The following WNT10A variants were observed in gnomAD, a reference collection of about 807,000 sequenced individuals.
The protein encoded by WNT10A is protein Wnt-10a.
Under a neutral mutation model 36.1 loss-of-function variants are expected in WNT10A, and 37 were observed. That is an observed-to-expected ratio of 1.02 (90% CI 0.79 to 1.35). The LOEUF is 1.35. WNT10A is among the 40% of genes most tolerant of loss of function. The pLI is 0.00. For synonymous variants in WNT10A, 255 were observed against 254.1 expected (o/e 1.00, Z -0.03); for missense variants, 613 against 601.4 (o/e 1.02, Z -0.20).
chr2:218,885,727 C>G (rs2106013725), intron 2 of WNT10A, among the ~76,000 whole-genome samples: 1 of 152,362 alleles, frequency 6.6e-6, no homozygotes, highest in Admixed American at 6.5e-5. Flanking sequence ...TTTCTCCCAC[C>G]TCCTTTTTAC....
Position 218,882,311 on chromosome 2 carries a change from C to T in WNT10A, c.264C>T (p.Gly88=). 6.2e-7 allele frequency: 1 copy of T among 1,614,204 alleles called. No individual in the cohort carries two copies. Among genetic ancestry groups the T allele is most frequent in the Non-Finnish European group, 8.5e-7 (1 of 1,180,040 alleles). ...HPDVAASAIQ[G]IQIAIHECQH... is the part of the protein sequence containing the mutation. ...ATGTGGCTGCCTCAGCCATACAGGG[C>T]ATCCAGATCGCCATCCACGAATGCC... The change falls in exon 2 of 4, where the codon GGC becomes GGT. Residue 88 remains glycine, a synonymous_variant. Transcript: ENST00000258411.
At chr2:218,877,054 A>G (rs932252928), upstream of WNT10A, among the ~76,000 whole-genome samples, 3 of 152,176 alleles carry the variant, frequency 2.0e-5, no homozygotes, top group African/African-American at 7.2e-5. The surrounding 1 kb of genome is among the most constrained non-coding windows in gnomAD (Gnocchi z 4.1). Flanking sequence ...ATAGGGTGGA[A>G]GATGCTGGAC....
Position 218,893,546 on chromosome 2 carries a change from C to T in WNT10A, c.*275C>T, listed in dbSNP as rs182186187. Reference sequence around the variant, plus strand: ...AGTTCAGTTGGGCTGGGGGTTGCTCCACACCCTAAAACAAGCCTCAGCCAG... The same window carrying T: ...AGTTCAGTTGGGCTGGGGGTTGCTCTACACCCTAAAACAAGCCTCAGCCAG... On this transcript the variant is annotated 3_prime_UTR_variant, in exon 4 of 4. Transcript: ENST00000258411. This position sits in a 1 kb window ranked among gnomAD's most constrained non-coding sequence, Gnocchi z 6.3. The T allele has an allele frequency of 3.1e-4, 129 of 410,458 alleles. No individual in the cohort carries two copies. The East Asian group carries it at 4.7e-3, about 15-fold the overall frequency. The allele number at this position is 410,458 out of a possible 1,614,324, so 25.4% of individuals were successfully genotyped here.
chr2:218,883,664 G>A (rs1000769227), intron 2 of WNT10A, among the ~76,000 whole-genome samples: 9 of 150,470 alleles, frequency 6.0e-5, no homozygotes, highest in East Asian at 2.0e-4. Flanking sequence ...CCCGCGGGCC[G>A]CGGCAGACGG....
intron 2 of WNT10A, among the ~76,000 whole-genome samples, chr2:218,887,286 G>T (rs1212111079): frequency 2.0e-5 from 3 of 152,026 alleles, no homozygotes; most frequent in African/African-American, 2.4e-5. Flanking sequence ...TGTGTGTGTG[G>T]GTGATTTCTG....
chr2:218,881,839 T>C (rs10177996), intron 1 of WNT10A, among the ~76,000 whole-genome samples: 53,609 of 152,022 alleles, frequency 0.35, 13,854 homozygotes, highest in African/African-American at 0.74. Context: ...GGAGTGGGCT[T>C]GTGGGGAACC....
chr2:218,876,468 G>A (rs983525454), upstream of WNT10A, among the ~76,000 whole-genome samples: 1 of 152,158 alleles, frequency 6.6e-6, no homozygotes, highest in Admixed American at 6.5e-5. Flanking sequence ...CTCATGGTGG[G>A]GAGGGGTGTC....
At chr2:218,880,835 G>A (rs1944502824), upstream of WNT10A, 2 of 756,218 alleles carry the variant, frequency 2.6e-6, no homozygotes, top group African/African-American at 1.9e-5. The surrounding 1 kb of genome is among the most constrained non-coding windows in gnomAD (Gnocchi z 7.7). Context: ...GCCCCATGGA[G>A]CGGGGAGGCG....
chr2:218,884,967 T>G (rs1033650663), intron 2 of WNT10A, among the ~76,000 whole-genome samples: 10 of 152,198 alleles, frequency 6.6e-5, no homozygotes, highest in Non-Finnish European at 1.2e-4. Flanking sequence ...GGGTCCCAGG[T>G]CCCTTGGGCC....
Position 218,890,295 on chromosome 2 carries a change from G to T in WNT10A, c.688G>T (p.Asp230Tyr). 6.2e-6 allele frequency: 10 copies of T among 1,606,396 alleles called. No homozygotes were observed. Among genetic ancestry groups the T allele is most frequent in the Non-Finnish European group, 8.5e-6 (10 of 1,179,954 alleles). Residue 230 changes from aspartate to tyrosine, a missense_variant, in exon 3 of 4, where the codon GAC becomes TAC. Asp to Tyr is a radical substitution (Grantham distance 160). Coordinates refer to ENST00000258411, the MANE Select transcript of WNT10A (RefSeq NM_025216.3). ...GGAGCGCTTTTCTAAGGACTTTCTG[G>T]ACTCCCGGGAGCCTCACAGAGACAT... is the stretch of plus-strand genomic sequence containing the variant. Reference protein sequence around the residue: ...FGERFSKDFLDSREPHRDIHA... With the variant: ...FGERFSKDFLYSREPHRDIHA...
At chr2:218,885,816 C>A (rs189971873) in intron 2 of WNT10A, among the ~76,000 whole-genome samples, 86 of 152,338 alleles carry the variant, frequency 5.6e-4, no homozygotes, top group Non-Finnish European at 1.1e-3. Flanking sequence ...CATGGGCACT[C>A]ATATCCCAGG....
At chr2:218,883,487 C>T (rs959478920) in intron 2 of WNT10A, among the ~76,000 whole-genome samples, 2 of 151,924 alleles carry the variant, frequency 1.3e-5, no homozygotes, top group Non-Finnish European at 2.9e-5. Context: ...CCTGGGCCCC[C>T]AAGTCAGGGG....
At position 218,893,295 on chromosome 2, in the gene WNT10A, T is replaced by C; in HGVS notation, c.*24T>C. 1 of 1,535,604 alleles carries C rather than the reference T, an allele frequency of 6.5e-7. No individual in the cohort carries two copies. The highest frequency in any genetic ancestry group is 8.7e-7 in the Non-Finnish European group (1 of 1,146,070). The stretch of plus-strand genomic sequence containing the variant: ...GAGCGGCCCGGGGTCCCCTGGGCCC[T>C]GATCGAGGTCCCCTCCTGGAGCCTG... On this transcript the variant is annotated 3_prime_UTR_variant, in exon 4 of 4. Coordinates refer to ENST00000258411, the MANE Select transcript of WNT10A (RefSeq NM_025216.3). This position sits in a 1 kb window ranked among gnomAD's most constrained non-coding sequence, Gnocchi z 6.3.
chr2:218,879,780 T>C (rs2106009871), upstream of WNT10A, among the ~76,000 whole-genome samples: 1 of 152,346 alleles, frequency 6.6e-6, no homozygotes, highest in Admixed American at 6.5e-5. Context: ...TAATTTGCTG[T>C]GTGACCTCTT....
chr2:218,874,343 T>G, the WNT10A span: 1 of 155,230 alleles, frequency 6.4e-6, no homozygotes, highest in Non-Finnish European at 1.4e-5. Context: ...GGTCCCTATC[T>G]CCCGACCAGG....
chr2:218,882,052 A>G, intron 1 of WNT10A, 109 bp from the exon 2 acceptor site: 1 of 1,417,954 alleles, frequency 7.1e-7, no homozygotes. Context: ...TCAGAAGCAG[A>G]GGTTGGAAGA....
intron 2 of WNT10A, among the ~76,000 whole-genome samples, chr2:218,884,736 G>A (rs989326329): frequency 4.7e-4 from 72 of 152,296 alleles, no homozygotes; most frequent in African/African-American, 1.7e-3. Context: ...ATCCCATGAA[G>A]CCACTCACGG....
chr2:218,883,673 G>T (rs1449005642), intron 2 of WNT10A, among the ~76,000 whole-genome samples: 1 of 150,228 alleles, frequency 6.7e-6, no homozygotes, highest in Non-Finnish European at 1.5e-5. Flanking sequence ...CGCGGCAGAC[G>T]GCTCCCGGCC....
chr2:218,882,477 G>C, intron 2 of WNT10A, 54 bp downstream of exon 2: 2 of 1,608,780 alleles, frequency 1.2e-6, no homozygotes, highest in South Asian at 1.1e-5. Context: ...CTCCACCTCA[G>C]AATCTATTCC....
Sources: gnomAD v4.1 joint callset for allele counts (sites outside exome capture counted in the v4.1 genomes callset) on GRCh38, gnomAD v4.1.1 for gene constraint, Gnocchi (gnomAD v3.1) non-coding constraint, MANE v1.5 for transcripts, NCBI Gene and HGNC (gene_info 2026-07-23, HGNC 2026-07-21) for gene names.